The following CACNA2D3 variants were observed in gnomAD, a reference collection of about 807,000 sequenced individuals.
CACNA2D3 encodes voltage-dependent calcium channel subunit alpha-2/delta-3.
A neutral mutation model predicts 160.6 loss-of-function variants in CACNA2D3; 60 were observed. The ratio of observed to expected loss-of-function variants is 0.37; its 90% CI spans 0.30 to 0.46. The LOEUF is 0.46. Among genes scored for constraint, CACNA2D3 ranks in the 20% least tolerant of loss-of-function variants. The pLI is 1.00. For synonymous variants in CACNA2D3, 558 were observed against 492.9 expected (o/e 1.13, Z -1.75); for missense variants, 1,205 against 1,365.0 (o/e 0.88, Z 1.85).
intron 2 of CACNA2D3, among the ~76,000 whole-genome samples, chr3:54,217,213 G>A (rs539322267): frequency 1.1e-4 from 17 of 152,266 alleles, no homozygotes; most frequent in African/African-American, 3.9e-4. Flanking sequence ...GTGTTCAGCA[G>A]AGCAGTGACC....
chr3:54,271,514 T>C (rs1702621436), intron 2 of CACNA2D3, among the ~76,000 whole-genome samples: 3 of 152,226 alleles, frequency 2.0e-5, no homozygotes, highest in Admixed American at 2.0e-4. Context: ...AAGACATCTA[T>C]AGAAGAGCCA....
rs1701141716 is a variant in CACNA2D3, at chr3:54,199,587, G to A, written c.204+75993G>A. Among the ~76,000 whole-genome samples, 3 of 150,940 alleles carry A rather than the reference G, an allele frequency of 2.0e-5. No individual in the cohort carries two copies. In the South Asian group the frequency reaches 6.3e-4, roughly 32 times the overall value. On this transcript the variant is annotated intron_variant, in intron 2 of 37. Coordinates refer to ENST00000474759, the MANE Select transcript of CACNA2D3 (RefSeq NM_018398.3). The stretch of plus-strand genomic sequence containing the variant: ...AGGGTTTTGCCATGTTCCCCAGGCT[G>A]TCCTAGAACTCCTATTTTCTTCTTT...
rs956506308 is a variant in CACNA2D3 at position 54,421,572 on chromosome 3, G to A, written c.381+34798G>A. Among the ~76,000 whole-genome samples, 8 of 152,256 alleles carry A rather than the reference G, an allele frequency of 5.3e-5. 1 individual carries two copies. In the South Asian group the frequency reaches 1.7e-3, roughly 32 times the overall value. On this transcript the variant is annotated intron_variant, in intron 4 of 37. Coordinates refer to ENST00000474759, the MANE Select transcript of CACNA2D3 (RefSeq NM_018398.3). ...GGATTCTATATACCCTTCCAGTGTG[G>A]CAGCAACCAGCTCTGGATTTGAAAA...
intron 4 of CACNA2D3, among the ~76,000 whole-genome samples, chr3:54,401,785 A>G (rs1699470264): frequency 6.6e-6 from 1 of 152,194 alleles, no homozygotes; most frequent in African/African-American, 2.4e-5. Context: ...AAAGGATGTG[A>G]ATTACTAATG....
intron 2 of CACNA2D3, among the ~76,000 whole-genome samples, chr3:54,289,591 C>A (rs1215211055): frequency 6.6e-6 from 1 of 152,172 alleles, no homozygotes; most frequent in East Asian, 1.9e-4. Flanking sequence ...AAAGAGCCCG[C>A]ATCACCAAGT....
intron 11 of CACNA2D3, among the ~76,000 whole-genome samples, chr3:54,669,051 C>G (rs1036119752): frequency 6.6e-6 from 1 of 152,152 alleles, no homozygotes; most frequent in African/African-American, 2.4e-5. Flanking sequence ...TTCTTACATT[C>G]TCATTAGAGA....
At chr3:54,183,244 T>C (rs1700816288) in intron 2 of CACNA2D3, among the ~76,000 whole-genome samples, 1 of 144,274 alleles carries the variant, frequency 6.9e-6, no homozygotes, top group Non-Finnish European at 1.5e-5. Flanking sequence ...TCAGAAAATA[T>C]ATTGAAAGAA....
intron 4 of CACNA2D3, among the ~76,000 whole-genome samples, chr3:54,478,660 G>GTGTATATATATATATATATA: frequency 5.5e-5 from 2 of 36,376 alleles, no homozygotes; most frequent in African/African-American, 1.4e-4. Flanking sequence ...ATATGTGTGT[G>GTGTATATATATATATATATA]TATATATATA....
intron 11 of CACNA2D3, among the ~76,000 whole-genome samples, chr3:54,660,742 C>T (rs550177619): frequency 6.6e-5 from 10 of 152,284 alleles, no homozygotes; most frequent in South Asian, 4.1e-4. Context: ...CAGCCCAGCA[C>T]GCCAGGCCCT....
chr3:54,477,594 C>A (rs1700852412), intron 4 of CACNA2D3, among the ~76,000 whole-genome samples: 1 of 152,110 alleles, frequency 6.6e-6, no homozygotes, highest in Non-Finnish European at 1.5e-5. Flanking sequence ...GTCAAATCCC[C>A]ATTCTCTCCT....
intron 35 of CACNA2D3, among the ~76,000 whole-genome samples, chr3:55,065,731 A>G (rs1007714118): frequency 2.1e-5 from 3 of 145,846 alleles, no homozygotes; most frequent in Non-Finnish European, 1.5e-5. Context: ...AGGGAAGGAA[A>G]GGAAGGAAAG....
intron 2 of CACNA2D3, among the ~76,000 whole-genome samples, chr3:54,226,251 G>C (rs1701669404): frequency 6.6e-6 from 1 of 151,508 alleles, no homozygotes; most frequent in African/African-American, 2.4e-5. Flanking sequence ...CCCAGGAAGA[G>C]GGAAATGGCT....
At chr3:54,400,094 C>G (rs1467685288) in intron 4 of CACNA2D3, among the ~76,000 whole-genome samples, 1 of 141,220 alleles carries the variant, frequency 7.1e-6, no homozygotes, top group Non-Finnish European at 1.5e-5. Context: ...TTCTTTGACT[C>G]GGAAAGGGAA....
At chr3:55,008,842 A>G (rs1703150059) in intron 33 of CACNA2D3, among the ~76,000 whole-genome samples, 1 of 151,294 alleles carries the variant, frequency 6.6e-6, no homozygotes, top group Non-Finnish European at 1.5e-5. Flanking sequence ...ATGAAGTTCC[A>G]TTGTGACATA....
chr3:54,341,154 G>A (rs2107525704), intron 3 of CACNA2D3, among the ~76,000 whole-genome samples: 1 of 152,314 alleles, frequency 6.6e-6, no homozygotes, highest in South Asian at 2.1e-4. Flanking sequence ...TTCATCACAT[G>A]AGCTAATACT....
At chr3:54,730,496 C>T (rs954624092) in intron 11 of CACNA2D3, among the ~76,000 whole-genome samples, 2 of 151,980 alleles carry the variant, frequency 1.3e-5, no homozygotes, top group Non-Finnish European at 2.9e-5. Context: ...CAGAATCTTT[C>T]TTTCTTTCTT....
chr3:55,045,945 C>G (rs1704069596), intron 35 of CACNA2D3, among the ~76,000 whole-genome samples: 1 of 151,854 alleles, frequency 6.6e-6, no homozygotes, highest in African/African-American at 2.4e-5. Flanking sequence ...TTTTACTCTT[C>G]TTTTTCTAGT....
At chr3:54,996,196 T>G (rs1702855709) in intron 31 of CACNA2D3, among the ~76,000 whole-genome samples, 1 of 152,258 alleles carries the variant, frequency 6.6e-6, no homozygotes, top group Non-Finnish European at 1.5e-5. Context: ...TTCACGAATG[T>G]GGCAGAGCCC....
chr3:54,716,968 C>T (rs1015875631), intron 11 of CACNA2D3, among the ~76,000 whole-genome samples: 2 of 151,336 alleles, frequency 1.3e-5, no homozygotes, highest in African/African-American at 4.9e-5. Flanking sequence ...CAAGACAGAA[C>T]CTGCCAGGAC....
Sources: gnomAD v4.1 joint callset for allele counts (sites outside exome capture counted in the v4.1 genomes callset) on GRCh38, gnomAD v4.1.1 for gene constraint, MANE v1.5 for transcripts, NCBI Gene and HGNC (gene_info 2026-07-23, HGNC 2026-07-21) for gene names.